EFNA5: variants seen among roughly 807,000 people sequenced by gnomAD.
The protein encoded by EFNA5 is ephrin A5.
A neutral mutation model predicts 22.9 loss-of-function variants in EFNA5; 5 were observed. The observed-to-expected ratio is 0.22, with a 90% confidence interval of 0.11 to 0.46. The LOEUF (loss-of-function observed/expected upper bound fraction) is 0.46, where lower values mean the gene tolerates loss of function less well. EFNA5 is among the 20% of genes least tolerant of loss of function. EFNA5 has a pLI of 0.99. For missense variants in EFNA5, 237 were observed against 293.3 expected, an observed-to-expected ratio of 0.81 and a Z score of 1.40; for synonymous variants, 113 against 112.2, an observed-to-expected ratio of 1.01 and a Z score of -0.04.
intron 1 of EFNA5, among the ~76,000 whole-genome samples, chr5:107,557,597 C>A (rs1748452078): frequency 6.6e-6 from 1 of 152,188 alleles, no homozygotes; most frequent in African/African-American, 2.4e-5. Context: ...GTTAGTGTGA[C>A]ATTCTTCTAC....
At chr5:107,584,268 A>G (rs1051729551) in intron 1 of EFNA5, among the ~76,000 whole-genome samples, 1 of 152,172 alleles carries the variant, frequency 6.6e-6, no homozygotes, top group South Asian at 2.1e-4. Context: ...AGGCAACATC[A>G]AACTTTCATG....
In EFNA5 at chr5:107,412,750, C is replaced by T. The variant is rs145207837; in HGVS notation, c.418+14467G>A. 2.7e-3 allele frequency among the ~76,000 whole-genome samples: 405 copies of T among 152,254 alleles called. 1 individual carries two copies. Among genetic ancestry groups the T allele is most frequent in the African/African-American group, 9.5e-3 (394 of 41,550 alleles). On this transcript the variant is annotated intron_variant, in intron 2 of 4. Coordinates refer to ENST00000333274, the MANE Select transcript of EFNA5 (RefSeq NM_001962.3). ...TGAGTAGACTGATTATTTCTTCATCCTCACCACTGTAGAACACTCTAAATG... is the reference window on the plus strand; with the variant it reads ...TGAGTAGACTGATTATTTCTTCATCTTCACCACTGTAGAACACTCTAAATG...
At chr5:107,447,903 A>T (rs1026114732) in intron 1 of EFNA5, among the ~76,000 whole-genome samples, 4 of 151,654 alleles carry the variant, frequency 2.6e-5, no homozygotes, top group Non-Finnish European at 5.9e-5. Context: ...GCTGGAGTGC[A>T]GTGGCACAAT....
At chr5:107,553,528 C>A (rs1580527137) in intron 1 of EFNA5, among the ~76,000 whole-genome samples, 1 of 152,192 alleles carries the variant, frequency 6.6e-6, no homozygotes, top group Non-Finnish European at 1.5e-5. Context: ...CATTTTACAT[C>A]TCCCCGAGGT....
chr5:107,422,432 T>C (rs909649429), intron 2 of EFNA5, among the ~76,000 whole-genome samples: 1 of 152,210 alleles, frequency 6.6e-6, no homozygotes, highest in African/African-American at 2.4e-5. Flanking sequence ...GTATAGAGAA[T>C]GCAGAGAACA....
At chr5:107,426,951 C>A (rs1004659822) in intron 2 of EFNA5, 1 of 375,284 alleles carries the variant, frequency 2.7e-6, no homozygotes, top group Non-Finnish European at 4.8e-6. Flanking sequence ...GAAGTCCTGG[C>A]AATTTTCATT....
chr5:107,473,186 C>G (rs1353685802), intron 1 of EFNA5, among the ~76,000 whole-genome samples: 2 of 151,770 alleles, frequency 1.3e-5, no homozygotes, highest in Non-Finnish European at 2.9e-5. Context: ...GAAACTTTGC[C>G]TCTGAAACTT....
chr5:107,620,576 T>G (rs1380794573), intron 1 of EFNA5, among the ~76,000 whole-genome samples: 1 of 152,182 alleles, frequency 6.6e-6, no homozygotes, highest in Non-Finnish European at 1.5e-5. Context: ...TTCACTATAT[T>G]TGGCAAATGC....
intron 1 of EFNA5, among the ~76,000 whole-genome samples, chr5:107,480,990 C>T (rs950139346): frequency 6.6e-6 from 1 of 152,086 alleles, no homozygotes; most frequent in Non-Finnish European, 1.5e-5. Context: ...ACTTGTGGAG[C>T]CTGAGGAGCT....
intron 1 of EFNA5, among the ~76,000 whole-genome samples, chr5:107,457,137 T>C (rs533760191): frequency 6.6e-6 from 1 of 152,188 alleles, no homozygotes; most frequent in Non-Finnish European, 1.5e-5. Flanking sequence ...GCCCCTTTTG[T>C]CATTTTTAAC....
chr5:107,668,644 T>C (rs1014779540), intron 1 of EFNA5, among the ~76,000 whole-genome samples: 1 of 152,080 alleles, frequency 6.6e-6, no homozygotes, highest in African/African-American at 2.4e-5. Context: ...TATCCCAAAT[T>C]CAAAGAAACT....
At chr5:107,596,395 T>G (rs1421763542) in intron 1 of EFNA5, among the ~76,000 whole-genome samples, 1 of 152,188 alleles carries the variant, frequency 6.6e-6, no homozygotes, top group Non-Finnish European at 1.5e-5. Context: ...TTATTTCACT[T>G]AGCATAATTT....
Position 107,427,405 on chromosome 5 carries a change from T to C in EFNA5, c.230A>G (p.Tyr77Cys). ...ATCAAAGTTCACCATGTAGAGGACA[T>C]AGCGCTCAGTCTTATCTTCTGGGAC... ...DSVPEDKTER[Y>C]VLYMVNFDGY... is the part of the protein sequence containing the mutation. The change falls in exon 2 of 5, where the codon TAT (tyrosine) becomes TGT (cysteine). Residue 77 changes from tyrosine to cysteine, a missense_variant. Tyr to Cys is a radical substitution (Grantham distance 194, BLOSUM62 -2). Around this residue, in one of 3 missense-constraint regions of EFNA5, gnomAD observed 120 missense variants for 140.5 expected, o/e 0.85. Coordinates refer to ENST00000333274, the MANE Select transcript of EFNA5 (RefSeq NM_001962.3). The C allele has an allele frequency of 3.7e-6, 6 of 1,614,028 alleles. No individual in the cohort carries two copies. The highest frequency in any genetic ancestry group is 5.1e-6 in the Non-Finnish European group (6 of 1,180,000).
chr5:107,410,374 GT>G (rs577886740), intron 2 of EFNA5, among the ~76,000 whole-genome samples: 155 of 152,274 alleles, frequency 1.0e-3, no homozygotes, highest in African/African-American at 3.7e-3. Flanking sequence ...GCAAGGATGT[GT>G]TTTTAACTAT....
At chr5:107,423,432 G>A (rs902068204) in intron 2 of EFNA5, among the ~76,000 whole-genome samples, 2 of 142,332 alleles carry the variant, frequency 1.4e-5, no homozygotes, top group African/African-American at 5.2e-5. Flanking sequence ...AAAAAAGACA[G>A]GGTTTTGCTA....
rs746773477 is a variant in EFNA5, at chr5:107,634,854, A to G, written c.125+35635T>C. Among the ~76,000 whole-genome samples the G allele has an allele frequency of 3.9e-5, 6 of 152,212 alleles. 1 individual carries two copies. Among genetic ancestry groups the G allele is most frequent in the Non-Finnish European group, 5.9e-5 (4 of 68,040 alleles). On this transcript the variant is annotated intron_variant, in intron 1 of 4. Coordinates refer to ENST00000333274, the MANE Select transcript of EFNA5 (RefSeq NM_001962.3). ...TAGAACAACCCCAATAGCATATACA[A>G]GAGTGAAAGGGAAAGGAATAAAACT...
intron 1 of EFNA5, among the ~76,000 whole-genome samples, chr5:107,607,799 C>T (rs1049816909): frequency 6.6e-6 from 1 of 152,072 alleles, no homozygotes; most frequent in Non-Finnish European, 1.5e-5. Flanking sequence ...TCACAAAGGG[C>T]CTCACCTTGC....
intron 2 of EFNA5, among the ~76,000 whole-genome samples, chr5:107,399,433 G>A (rs1748029314): frequency 6.6e-6 from 1 of 151,538 alleles, no homozygotes; most frequent in South Asian, 2.1e-4. Flanking sequence ...GAGAGAGAAA[G>A]GAATGGGAAC....
In EFNA5 at chr5:107,519,891, C is replaced by T. The variant is rs541773889; in HGVS notation, c.126-92382G>A. 5.9e-5 allele frequency among the ~76,000 whole-genome samples: 9 copies of T among 152,338 alleles called. No individual in the cohort carries two copies. The South Asian group carries it at 1.9e-3, about 32-fold the overall frequency. ...CTTTCTCTTTGAACTGTAAGCACCA[C>T]TCTGGCTGGGCCAGGTGGGATGAAG... On this transcript the variant is annotated intron_variant, in intron 1 of 4. Coordinates refer to ENST00000333274, the MANE Select transcript of EFNA5 (RefSeq NM_001962.3).
Sources: gnomAD v4.1 joint callset for allele counts (sites outside exome capture counted in the v4.1 genomes callset) on GRCh38, gnomAD v4.1.1 for gene constraint, gnomAD v4.1.1 regional missense constraint, MANE v1.5 for transcripts, NCBI Gene and HGNC (gene_info 2026-07-23, HGNC 2026-07-21) for gene names.